The following CNTN5 variants were observed in gnomAD, a reference collection of about 807,000 sequenced individuals.
CNTN5 encodes the protein contactin-5.
CNTN5 carries 77 observed loss-of-function variants against 129.1 expected under a neutral mutation model. That is an observed-to-expected ratio of 0.60 (90% confidence interval 0.50 to 0.72). The LOEUF (loss-of-function observed/expected upper bound fraction) is 0.72. CNTN5 is among the 30% of genes least tolerant of loss of function. The pLI is 0.00. For missense variants in CNTN5, 1,478 were observed against 1,328.8 expected (o/e 1.11, Z -1.75); for synonymous variants, 509 against 465.6 (o/e 1.09, Z -1.20).
intron 7 of CNTN5, among the ~76,000 whole-genome samples, chr11:99,947,548 T>C (rs1446746463): frequency 6.6e-6 from 1 of 152,146 alleles, no homozygotes; most frequent in African/African-American, 2.4e-5. Flanking sequence ...AAAAACATTT[T>C]TGAAAAATTA....
chr11:99,347,517 TA>T (rs138530614), intron 2 of CNTN5, among the ~76,000 whole-genome samples: 8,803 of 152,278 alleles, frequency 0.058, 369 homozygotes, highest in Non-Finnish European at 0.09. Context: ...TTATATCTAA[TA>T]AGAGAAAGCA....
At chr11:99,078,676 A>T (rs1206663587) in intron 1 of CNTN5, among the ~76,000 whole-genome samples, 1 of 152,220 alleles carries the variant, frequency 6.6e-6, no homozygotes, top group Non-Finnish European at 1.5e-5. Flanking sequence ...CGTTAAGTGA[A>T]ATAATCCAGG....
intron 9 of CNTN5, among the ~76,000 whole-genome samples, chr11:100,011,651 C>G (rs1940539986): frequency 6.6e-6 from 1 of 152,156 alleles, no homozygotes; most frequent in Admixed American, 6.6e-5. Flanking sequence ...GCTTATCTCT[C>G]TTTCAGATAC....
chr11:99,806,411 A>G (rs1401566459), intron 3 of CNTN5, among the ~76,000 whole-genome samples: 3 of 152,202 alleles, frequency 2.0e-5, no homozygotes, highest in Non-Finnish European at 4.4e-5. Context: ...AAGTAAATAT[A>G]TAAATACTAT....
chr11:99,214,336 G>C (rs1221630582), intron 1 of CNTN5, among the ~76,000 whole-genome samples: 1 of 148,674 alleles, frequency 6.7e-6, no homozygotes, highest in Non-Finnish European at 1.5e-5. Flanking sequence ...AGACTAGTCT[G>C]TGCAAAGCAA....
chr11:100,334,287 T>C (rs1285978722), intron 21 of CNTN5, among the ~76,000 whole-genome samples: 3 of 152,102 alleles, frequency 2.0e-5, no homozygotes. Context: ...ATAATAGATG[T>C]TGGCGTGGAT....
At chr11:99,927,814 A>T (rs1179439333) in intron 7 of CNTN5, among the ~76,000 whole-genome samples, 1 of 152,122 alleles carries the variant, frequency 6.6e-6, no homozygotes, top group Admixed American at 6.5e-5. Flanking sequence ...ATGTCCTCAC[A>T]TTTCAAAACA....
At chr11:100,166,907 T>C (rs564532162) in intron 13 of CNTN5, among the ~76,000 whole-genome samples, 1 of 151,980 alleles carries the variant, frequency 6.6e-6, no homozygotes, top group South Asian at 2.1e-4. Flanking sequence ...AGAAATCAAC[T>C]AGAATAATTT....
Position 99,737,144 on chromosome 11 carries a change from A to C in CNTN5, c.56-82400A>C, listed in dbSNP as rs113201851. On this transcript the variant is annotated intron_variant, in intron 3 of 24. Transcript: ENST00000524871. ...TGTAACACACATGCACACACACACAAACACACACACACACACACGCACACG... is the reference window on the plus strand; with the variant it reads ...TGTAACACACATGCACACACACACACACACACACACACACACACGCACACG... Among the ~76,000 whole-genome samples, 6 of 143,254 alleles carry C rather than the reference A, an allele frequency of 4.2e-5. No homozygotes were observed. The East Asian group carries it at 5.9e-4, about 14-fold the overall frequency. 94.0% of individuals were successfully genotyped at this position (143,254 alleles called of 152,430 possible). A position where few individuals can be genotyped will look rare whatever the true frequency, so the allele number is the denominator to read the frequency against.
At chr11:100,346,218 T>C (rs1295052424) in intron 23 of CNTN5, among the ~76,000 whole-genome samples, 1 of 152,130 alleles carries the variant, frequency 6.6e-6, no homozygotes. Context: ...CTCCTATAAT[T>C]TGGGGTCTCT....
chr11:99,440,840 A>G (rs1943798696), intron 2 of CNTN5, among the ~76,000 whole-genome samples: 1 of 152,152 alleles, frequency 6.6e-6, no homozygotes, highest in Non-Finnish European at 1.5e-5. Flanking sequence ...CATCACACTA[A>G]ATTGCAAGGG....
intron 6 of CNTN5, among the ~76,000 whole-genome samples, chr11:99,892,147 T>C (rs1949077807): frequency 6.6e-6 from 1 of 152,232 alleles, no homozygotes; most frequent in Non-Finnish European, 1.5e-5. Context: ...TCTGTTCATA[T>C]CCTTCGCCCA....
At chr11:99,438,796 C>T (rs1340151039) in intron 2 of CNTN5, among the ~76,000 whole-genome samples, 1 of 152,048 alleles carries the variant, frequency 6.6e-6, no homozygotes, top group African/African-American at 2.4e-5. Context: ...CATAAAAATA[C>T]ATATATACCT....
At chr11:100,279,153 C>A (rs7949103) in intron 18 of CNTN5, among the ~76,000 whole-genome samples, 60,409 of 151,792 alleles carry the variant, frequency 0.4, 13,939 homozygotes, top group Non-Finnish European at 0.53. Context: ...GGGATAAATT[C>A]CACTTGGTCA....
chr11:99,677,568 TTAAC>T (rs1953345711), intron 3 of CNTN5, among the ~76,000 whole-genome samples: 1 of 152,172 alleles, frequency 6.6e-6, no homozygotes, highest in Non-Finnish European at 1.5e-5. Flanking sequence ...TAAGAATAAC[TTAAC>T]TGTGTTTTTG....
intron 9 of CNTN5, among the ~76,000 whole-genome samples, chr11:100,038,467 G>C (rs908795480): frequency 2.0e-5 from 3 of 152,200 alleles, no homozygotes; most frequent in African/African-American, 7.2e-5. Flanking sequence ...GGAGAGTTCT[G>C]TAAATGTCTG....
rs1041800146 is a variant in CNTN5, at chr11:100,347,759, G to A, written c.3031-2943G>A. Among the ~76,000 whole-genome samples the A allele has an allele frequency of 2.0e-5, 3 of 152,050 alleles. No homozygotes were observed. In the South Asian group the frequency reaches 6.2e-4, roughly 32 times the overall value. ...CCTTCCTTCCCATCCCATTGTCACC[G>A]AGGCTTTAGATTCCTCACCCTTTTT... On this transcript the variant is annotated intron_variant, in intron 23 of 24. Coordinates refer to ENST00000524871, the MANE Select transcript of CNTN5 (RefSeq NM_014361.4).
rs1591438751 is a variant in CNTN5 at position 99,262,463 on chromosome 11, T to C, written c.-209-62883T>C. ...GAACTTCTTCCCATTATTTATTCTC[T>C]AAGTTTCACTTATTAATCAGGAGGA... On this transcript the variant is annotated intron_variant, in intron 1 of 24. Transcript: ENST00000524871. Among the ~76,000 whole-genome samples the C allele has an allele frequency of 2.0e-5, 3 of 152,200 alleles. No homozygotes were observed. In the South Asian group the frequency reaches 6.2e-4, roughly 32 times the overall value.
intron 1 of CNTN5, among the ~76,000 whole-genome samples, chr11:99,182,373 G>C (rs1432611781): frequency 6.6e-6 from 1 of 152,262 alleles, no homozygotes; most frequent in South Asian, 2.1e-4. Flanking sequence ...TGCTCTGTAG[G>C]AATGCTTTGT....
Sources: allele counts gnomAD v4.1 joint callset (sites outside exome capture counted in the v4.1 genomes callset), GRCh38; gene constraint gnomAD v4.1.1; transcripts MANE v1.5; gene names NCBI Gene and HGNC (gene_info 2026-07-23, HGNC 2026-07-21).